Variants in SUSD3 observed in about 807,000 individuals in gnomAD.
The protein encoded by SUSD3 is sushi domain containing 3, also known as sushi domain-containing protein 3.
In SUSD3, 18 loss-of-function variants were observed where a neutral mutation model predicts 20.6. That is an observed-to-expected ratio of 0.87 (90% CI 0.60 to 1.30). The LOEUF is 1.30. Among genes scored for constraint, SUSD3 ranks in the 50% most tolerant of loss-of-function variants. SUSD3 has a pLI of 0.00. For missense variants in SUSD3, 306 were observed against 346.9 expected, an observed-to-expected ratio of 0.88 and a Z score of 0.94; for synonymous variants, 137 against 141.5, an observed-to-expected ratio of 0.97 and a Z score of 0.23.
intron 4 of SUSD3, among the ~76,000 whole-genome samples, chr9:93,083,259 C>CACT (rs1222754333): frequency 6.6e-6 from 1 of 152,190 alleles, no homozygotes; most frequent in Non-Finnish European, 1.5e-5. Context: ...AGACCTCGAG[C>CACT]ACTCAGCCCA....
At chr9:93,074,127 C>T (rs936750964) in intron 1 of SUSD3, among the ~76,000 whole-genome samples, 1 of 152,188 alleles carries the variant, frequency 6.6e-6, no homozygotes, top group African/African-American at 2.4e-5. Flanking sequence ...CTGTTGCATC[C>T]AGAGCATCTC....
At chr9:93,059,865 C>T (rs62573565) in intron 1 of SUSD3, among the ~76,000 whole-genome samples, 3 of 152,156 alleles carry the variant, frequency 2.0e-5, no homozygotes, top group African/African-American at 7.2e-5. Context: ...GAGACTTGTT[C>T]CTGGCGCTGG....
At chr9:93,072,941 A>G (rs542981783) in intron 1 of SUSD3, among the ~76,000 whole-genome samples, 6 of 152,098 alleles carry the variant, frequency 3.9e-5, no homozygotes, top group Non-Finnish European at 8.8e-5. Context: ...GCTATGTCTC[A>G]TCTCAGGCTC....
rs192732725 is a variant in SUSD3 at position 93,083,318 on chromosome 9, C to T, written c.558-1219C>T. Among the ~76,000 whole-genome samples, 364 of 152,304 alleles carry T rather than the reference C, an allele frequency of 2.4e-3. 3 individuals carry two copies. The highest frequency in any genetic ancestry group is 8.3e-3 in the African/African-American group (347 of 41,566). ...CGGGTCCTGCCCAGGGCTACAAAGC[C>T]GATGGAGGCAGAGTTCCCTGAGTCC... is the stretch of plus-strand genomic sequence containing the variant. On this transcript the variant is annotated intron_variant, in intron 4 of 4. Coordinates refer to ENST00000375472, the MANE Select transcript of SUSD3 (RefSeq NM_145006.4).
chr9:93,080,742 C>G (rs1826381706), intron 4 of SUSD3, among the ~76,000 whole-genome samples: 1 of 152,256 alleles, frequency 6.6e-6, no homozygotes, highest in African/African-American at 2.4e-5. Context: ...GACTTGTGGT[C>G]TCAGCGTGCA....
At chr9:93,081,751 A>G (rs960726431) in intron 4 of SUSD3, among the ~76,000 whole-genome samples, 4 of 152,114 alleles carry the variant, frequency 2.6e-5, no homozygotes, top group Admixed American at 2.6e-4. Context: ...GCTGCCATTG[A>G]TACTTCTGCA....
intron 2 of SUSD3, 48 bp from the exon 3 acceptor site, chr9:93,077,798 A>G: frequency 6.2e-7 from 1 of 1,610,758 alleles, no homozygotes; most frequent in Non-Finnish European, 8.5e-7. Flanking sequence ...TGGGCCAAGC[A>G]AATCTGGGCA....
intron 1 of SUSD3, among the ~76,000 whole-genome samples, chr9:93,065,393 C>G (rs1016538033): frequency 1.8e-4 from 28 of 152,240 alleles, no homozygotes; most frequent in African/African-American, 6.5e-4. Flanking sequence ...GGCAGACACT[C>G]AACCAGGCGC....
intron 2 of SUSD3, among the ~76,000 whole-genome samples, chr9:93,077,161 G>C (rs1285056783): frequency 6.6e-6 from 1 of 152,154 alleles, no homozygotes; most frequent in Non-Finnish European, 1.5e-5. Context: ...ACATCCAGTA[G>C]AATCTGATGG....
At chr9:93,071,289 T>C (rs1207479249) in intron 1 of SUSD3, among the ~76,000 whole-genome samples, 3 of 152,120 alleles carry the variant, frequency 2.0e-5, no homozygotes, top group Non-Finnish European at 4.4e-5. Flanking sequence ...CCAGTCTGAG[T>C]CCTAAAACCT....
rs1461884638 is a variant in SUSD3 at position 93,079,589 on chromosome 9, C to T, written c.544C>T (p.His182Tyr). Reference sequence around the variant, plus strand: ...CGGGCCCAGCCAGGCGCACGACAACCACAGCTTCACCACGTGAGCCCGGGT... The same window carrying T: ...CGGGCCCAGCCAGGCGCACGACAACTACAGCTTCACCACGTGAGCCCGGGT... ...VSGPSQAHDNHSFTTDHGEST... is the reference protein window; with the variant it reads ...VSGPSQAHDNYSFTTDHGEST... Residue 182 changes from histidine (H) to tyrosine (Y), a missense_variant, in exon 4 of 5, where the codon CAC (histidine) becomes TAC (tyrosine). Coordinates refer to ENST00000375472, the MANE Select transcript of SUSD3 (RefSeq NM_145006.4). The T allele has an allele frequency of 6.2e-7, 1 of 1,613,860 alleles. No individual in the cohort carries two copies. The highest frequency in any genetic ancestry group is 1.7e-5 in the Admixed American group (1 of 60,022).
At chr9:93,066,273 G>A (rs1471642129) in intron 1 of SUSD3, among the ~76,000 whole-genome samples, 1 of 152,100 alleles carries the variant, frequency 6.6e-6, no homozygotes, top group African/African-American at 2.4e-5. Flanking sequence ...TCCCTCTGTC[G>A]CCCATGTTGG....
At chr9:93,061,519 C>T (rs546657024) in intron 1 of SUSD3, among the ~76,000 whole-genome samples, 41 of 152,384 alleles carry the variant, frequency 2.7e-4, no homozygotes, top group African/African-American at 9.4e-4. Context: ...GTGCTTTCCA[C>T]ATCCTGAGGC....
intron 1 of SUSD3, among the ~76,000 whole-genome samples, chr9:93,067,915 A>G (rs10992622): frequency 0.24 from 36,624 of 152,154 alleles, 5,539 homozygotes; most frequent in African/African-American, 0.43. Flanking sequence ...GGTATTGCCT[A>G]TCTTTTTGAC....
chr9:93,058,833 G>GAC lies in SUSD3; in HGVS notation c.88+4_88+5insCA, dbSNP rs1825385159. On this transcript the variant is annotated splice_donor_region_variant and intron_variant, in intron 1 of 4. Transcript: ENST00000375472. Reference sequence around the variant, plus strand: ...GCCTGCCCCAGGGAACCGCACAGGTGAGGGCTGGGGCCGAGTGGCCGCGTG... The same window carrying GAC: ...GCCTGCCCCAGGGAACCGCACAGGTGACAGGGCTGGGGCCGAGTGGCCGCGTG... 7.9e-7 allele frequency: 1 copy of GAC among 1,267,356 alleles called. No individual in the cohort carries two copies. Among genetic ancestry groups the GAC allele is most frequent in the African/African-American group, 1.5e-5 (1 of 64,572 alleles). 78.5% of individuals were successfully genotyped at this position (1,267,356 alleles called of 1,614,324 possible). A position where few individuals can be genotyped will look rare whatever the true frequency, so the allele number is the denominator to read the frequency against.
At chr9:93,079,238 T>G (rs1471099259) in intron 3 of SUSD3, among the ~76,000 whole-genome samples, 1 of 152,232 alleles carries the variant, frequency 6.6e-6, no homozygotes, top group Non-Finnish European at 1.5e-5. Context: ...AACACAGCCA[T>G]GTTCATTGTC....
chr9:93,081,639 C>T (rs897582237), intron 4 of SUSD3, among the ~76,000 whole-genome samples: 7 of 152,152 alleles, frequency 4.6e-5, no homozygotes, highest in East Asian at 3.8e-4. Context: ...TTACACACAC[C>T]GTGCTGGGTC....
chr9:93,061,487 C>T (rs77157202), intron 1 of SUSD3, among the ~76,000 whole-genome samples: 2,151 of 152,362 alleles, frequency 0.014, 47 homozygotes, highest in South Asian at 0.099. Context: ...GGAATTAGCC[C>T]AGCTCTTTTA....
At chr9:93,072,770 T>C (rs1825961300) in intron 1 of SUSD3, among the ~76,000 whole-genome samples, 1 of 152,200 alleles carries the variant, frequency 6.6e-6, no homozygotes, top group Non-Finnish European at 1.5e-5. Context: ...ATTTTAAAAT[T>C]AGAGTCCACA....
Sources: allele counts gnomAD v4.1 joint callset (sites outside exome capture counted in the v4.1 genomes callset), GRCh38; gene constraint gnomAD v4.1.1; transcripts MANE v1.5; gene names NCBI Gene and HGNC (gene_info 2026-07-23, HGNC 2026-07-21).